INSR: variants seen among roughly 807,000 people sequenced by gnomAD.
INSR encodes the protein insulin receptor, also known as IR.
Under a neutral mutation model 142.6 loss-of-function variants are expected in INSR, and 67 were observed. The observed-to-expected ratio is 0.47, with a 90% CI of 0.39 to 0.58. The LOEUF (loss-of-function observed/expected upper bound fraction) is 0.58, where lower values mean the gene tolerates loss of function less well. Among genes scored for constraint, INSR ranks in the 20% least tolerant of loss-of-function variants. The probability of loss-of-function intolerance (pLI) is 0.00; values close to 1 mark genes in which losing one functional copy is unlikely to be tolerated. For missense variants in INSR, 1,248 were observed against 1,833.2 expected (o/e 0.68, Z 5.83); for synonymous variants, 756 against 743.1 (o/e 1.02, Z -0.28).
At chr19:7,234,958 T>C (rs1169836313) in intron 2 of INSR, among the ~76,000 whole-genome samples, 1 of 151,982 alleles carries the variant, frequency 6.6e-6, no homozygotes, top group Non-Finnish European at 1.5e-5. Context: ...CTTGGGAGGC[T>C]GAGGCAGGAG....
intron 13 of INSR, among the ~76,000 whole-genome samples, chr19:7,135,206 T>C (rs567008133): frequency 1.3e-5 from 2 of 151,058 alleles, no homozygotes; most frequent in Non-Finnish European, 2.9e-5. Context: ...GTCCAAAGTT[T>C]CTTCCAAGTG....
chr19:7,193,862 G>A (rs895933495), intron 2 of INSR, among the ~76,000 whole-genome samples: 2 of 151,740 alleles, frequency 1.3e-5, no homozygotes, highest in Admixed American at 1.3e-4. Flanking sequence ...GCTAATTTTT[G>A]TATATGTATA....
chr19:7,249,775 G>C (rs566416292), intron 2 of INSR, among the ~76,000 whole-genome samples: 2 of 152,182 alleles, frequency 1.3e-5, no homozygotes, highest in African/African-American at 4.8e-5. Flanking sequence ...GGTGGATCAC[G>C]AGGTCAGGAG....
rs1972629647 is a variant in INSR at position 7,125,653 on chromosome 19, C to T, written c.3014-126G>A. The T allele has an allele frequency of 7.7e-7, 1 of 1,296,128 alleles. No individual in the cohort carries two copies. Among genetic ancestry groups the T allele is most frequent in the Admixed American group, 1.9e-5 (1 of 53,670 alleles). 80.3% of individuals were successfully genotyped at this position (1,296,128 alleles called of 1,614,324 possible). The stretch of plus-strand genomic sequence containing the variant: ...TGAAATGAGTTCTGTGATCCAGGAC[C>T]CATGCCGGGCACTGGGCATATGGCC... On this transcript the variant is annotated intron_variant, in intron 16 of 21. Coordinates refer to ENST00000302850, the MANE Select transcript of INSR (RefSeq NM_000208.4). The surrounding 1 kb of genome is among the most constrained non-coding windows in gnomAD (Gnocchi z 4.9).
At chr19:7,164,117 G>C (rs796719909) in intron 8 of INSR, among the ~76,000 whole-genome samples, 1 of 103,068 alleles carries the variant, frequency 9.7e-6, no homozygotes, top group African/African-American at 4.0e-5. Context: ...AAAAAAAAAA[G>C]CTTGAATTTG....
chr19:7,192,210 G>A lies in INSR; in HGVS notation c.653-7573C>T, dbSNP rs1351606834. On this transcript the variant is annotated intron_variant, in intron 2 of 21. Transcript: ENST00000302850. This position sits in a 1 kb window ranked among gnomAD's most constrained non-coding sequence, Gnocchi z 4.2. Reference sequence around the variant, plus strand: ...GAAAAAAGAAAGAAAAAGAAAGAAAGGAGAAAGAAAAGAAAGAGAAAGAAG... The same window carrying A: ...GAAAAAAGAAAGAAAAAGAAAGAAAAGAGAAAGAAAAGAAAGAGAAAGAAG... Among the ~76,000 whole-genome samples, 1 of 123,908 alleles carries A rather than the reference G, an allele frequency of 8.1e-6. No individual in the cohort carries two copies. The highest frequency in any genetic ancestry group is 3.0e-5 in the African/African-American group (1 of 33,124). 81.3% of individuals were successfully genotyped at this position (123,908 alleles called of 152,430 possible).
intron 2 of INSR, among the ~76,000 whole-genome samples, chr19:7,242,499 C>T (rs909437419): frequency 4.1e-5 from 6 of 145,004 alleles, no homozygotes; most frequent in South Asian, 2.1e-4. Context: ...ATTTGAAAGG[C>T]TGAGGAGGAG....
At chr19:7,257,527 CAAAAAAAA>C (rs55712056) in intron 2 of INSR, among the ~76,000 whole-genome samples, 53 of 85,186 alleles carry the variant, frequency 6.2e-4, no homozygotes, top group African/African-American at 2.4e-3. Context: ...CAGAGAGCTC[CAAAAAAAA>C]AAAAAAAAAA....
At chr19:7,227,591 G>T (rs1425747330) in intron 2 of INSR, among the ~76,000 whole-genome samples, 1 of 152,082 alleles carries the variant, frequency 6.6e-6, no homozygotes, top group Non-Finnish European at 1.5e-5. Flanking sequence ...CATTCTCGTC[G>T]AAAGATCACG....
At position 7,184,546 on chromosome 19, in the gene INSR, G is replaced by A. The variant is rs1254340236; in HGVS notation, c.744C>T (p.Asp248=). 6.2e-7 allele frequency: 1 copy of A among 1,613,830 alleles called. No homozygotes were observed. Among genetic ancestry groups the A allele is most frequent in the Non-Finnish European group, 8.5e-7 (1 of 1,179,978 alleles). ...TGCGGCAGGCCACGCACTTGGTGGG[G>A]TCGTCGGGCTGAGAACAGTTGCCCA... The part of the protein sequence containing the change: ...ECLGNCSQPD[D]PTKCVACRNF... Residue 248 remains aspartate, a synonymous_variant, in exon 3 of 22, where the codon GAC becomes GAT. Transcript: ENST00000302850.
chr19:7,233,140 C>CTG (rs1976041051), intron 2 of INSR, among the ~76,000 whole-genome samples: 24 of 152,024 alleles, frequency 1.6e-4, no homozygotes, highest in Admixed American at 1.6e-3. Context: ...ATTACAGGCA[C>CTG]CAGCCACCAC....
At chr19:7,188,343 C>G (rs751449450) in intron 2 of INSR, among the ~76,000 whole-genome samples, 1 of 151,768 alleles carries the variant, frequency 6.6e-6, no homozygotes, top group South Asian at 2.1e-4. Flanking sequence ...GTCAGGAGTT[C>G]AAGACCAGCC....
intron 13 of INSR, among the ~76,000 whole-genome samples, chr19:7,140,564 C>T (rs928311443): frequency 1.3e-5 from 2 of 152,142 alleles, no homozygotes; most frequent in African/African-American, 4.8e-5. Flanking sequence ...AGGTTTTGTG[C>T]AGCAACTTAA....
rs758427733 is a variant in INSR at position 7,184,602 on chromosome 19, C to T, written c.688G>A (p.Ala230Thr). 24 of 1,611,328 alleles carry T rather than the reference C, an allele frequency of 1.5e-5. No individual in the cohort carries two copies. The highest frequency in any genetic ancestry group is 8.4e-5 in the Admixed American group (5 of 59,700). The change falls in exon 3 of 22, where the codon GCC becomes ACC. Residue 230 changes from alanine (A) to threonine (T), a missense_variant. Transcript: ENST00000302850. ...PTICKSHGCT[A>T]EGLCCHSECL... The stretch of plus-strand genomic sequence containing the variant: ...TCGCTGTGGCAACAGAGGCCTTCGG[C>T]GGTGCAGCCGTGTGACTTACAGATG...
intron 9 of INSR, among the ~76,000 whole-genome samples, chr19:7,156,163 T>G (rs1346212456): frequency 6.9e-6 from 1 of 144,034 alleles, no homozygotes; most frequent in Non-Finnish European, 1.5e-5. Flanking sequence ...TGGATTCAAG[T>G]GAGTCTCCTG....
At chr19:7,219,036 A>G (rs2145093324) in intron 2 of INSR, among the ~76,000 whole-genome samples, 2 of 152,354 alleles carry the variant, frequency 1.3e-5, no homozygotes, top group South Asian at 4.1e-4. Context: ...AGAAGAAGGC[A>G]TGAACCATTC....
intron 2 of INSR, among the ~76,000 whole-genome samples, chr19:7,250,359 AAGAGGAAGGAGGAGGGAG>A (rs1216685548): frequency 1.4e-5 from 2 of 147,974 alleles, no homozygotes; most frequent in Non-Finnish European, 3.0e-5. Context: ...GAGAAAGGGA[AAGAGGAAGGAGGAGGGAG>A]AGAGGAAGGG....
chr19:7,184,161 A>G (rs1974351992), intron 3 of INSR, among the ~76,000 whole-genome samples, 155 bp downstream of exon 3: 1 of 151,974 alleles, frequency 6.6e-6, no homozygotes, highest in South Asian at 2.1e-4. Flanking sequence ...GCCCAGGACC[A>G]AAACAGGGTG....
chr19:7,246,659 T>C (rs1250589080), intron 2 of INSR, among the ~76,000 whole-genome samples: 2 of 152,214 alleles, frequency 1.3e-5, no homozygotes, highest in East Asian at 3.8e-4. Context: ...AAAAGTTCCA[T>C]GATTGAACGT....
Sources: allele counts gnomAD v4.1 joint callset (sites outside exome capture counted in the v4.1 genomes callset), GRCh38; gene constraint gnomAD v4.1.1; non-coding constraint Gnocchi (gnomAD v3.1); transcripts MANE v1.5; gene names NCBI Gene and HGNC (gene_info 2026-07-23, HGNC 2026-07-21).